Variants in CSMD2 observed in about 807,000 individuals in gnomAD.
CSMD2 encodes the protein CUB and sushi domain-containing protein 2.
A neutral mutation model predicts 398.5 loss-of-function variants in CSMD2; 130 were observed. That is an observed-to-expected ratio of 0.33 (90% confidence interval 0.28 to 0.38). The LOEUF is 0.38. Among genes scored for constraint, CSMD2 ranks in the 10% least tolerant of loss-of-function variants. CSMD2 has a pLI of 1.00. For missense variants in CSMD2, 3,829 were observed against 4,764.9 expected, an observed-to-expected ratio of 0.80 and a Z score of 5.78; for synonymous variants, 1,828 against 1,908.5, an observed-to-expected ratio of 0.96 and a Z score of 1.10.
chr1:34,004,626 T>C (rs1647003205), intron 3 of CSMD2, among the ~76,000 whole-genome samples: 1 of 152,170 alleles, frequency 6.6e-6, no homozygotes, highest in African/African-American at 2.4e-5. Flanking sequence ...CATTTGTTGA[T>C]AGTAAGATTT....
chr1:34,128,984 G>A lies in CSMD2; in HGVS notation c.187+35927C>T, dbSNP rs1011119269. ...AACAGCTACAGAAACAGACGTCCAC[G>A]TCCACTACATACATGTGTACCCCCC... On this transcript the variant is annotated intron_variant, in intron 1 of 70. Coordinates refer to ENST00000373381, the MANE Select transcript of CSMD2 (RefSeq NM_001281956.2). 2.2e-5 allele frequency among the ~76,000 whole-genome samples: 3 copies of A among 136,068 alleles called. No homozygotes were observed. The Admixed American group carries it at 2.4e-4, about 11-fold the overall frequency. 89.3% of individuals were successfully genotyped at this position (136,068 alleles called of 152,430 possible). A position where few individuals can be genotyped will look rare whatever the true frequency, so the allele number is the denominator to read the frequency against.
At chr1:33,713,050 C>T (rs1379819694) in intron 21 of CSMD2, among the ~76,000 whole-genome samples, 1 of 152,216 alleles carries the variant, frequency 6.6e-6, no homozygotes. Flanking sequence ...TATATGCCAC[C>T]TCTTGGTTTA....
intron 12 of CSMD2, among the ~76,000 whole-genome samples, chr1:33,779,909 G>T (rs560266495): frequency 6.6e-6 from 1 of 152,172 alleles, no homozygotes; most frequent in Non-Finnish European, 1.5e-5. Flanking sequence ...AGGCATGATG[G>T]GGGAGGATGG....
At chr1:33,543,061 G>A (rs567354097) in intron 57 of CSMD2, among the ~76,000 whole-genome samples, 165 bp from the exon 58 acceptor site, 3 of 152,228 alleles carry the variant, frequency 2.0e-5, no homozygotes, top group Non-Finnish European at 2.9e-5. Flanking sequence ...AGACAGGAAG[G>A]AGAGACCCCT....
Position 34,090,141 on chromosome 1 carries a change from C to T in CSMD2, c.188-948G>A, listed in dbSNP as rs769996637. Among the ~76,000 whole-genome samples, 12 of 152,262 alleles carry T rather than the reference C, an allele frequency of 7.9e-5. 1 individual carries two copies. Among genetic ancestry groups the T allele is most frequent in the South Asian group, 4.1e-4 (2 of 4,820 alleles). On this transcript the variant is annotated intron_variant, in intron 1 of 70. Coordinates refer to ENST00000373381, the MANE Select transcript of CSMD2 (RefSeq NM_001281956.2). ...CACCCTCCTTTCAGAAACACTCCTC[C>T]GGGCCAGAGCATCTCAGACCTCACT...
chr1:33,998,474 T>C (rs539176365), intron 3 of CSMD2, among the ~76,000 whole-genome samples: 2 of 152,252 alleles, frequency 1.3e-5, no homozygotes, highest in Admixed American at 1.3e-4. Context: ...GTTGTGGCTA[T>C]AGGCCCAGAG....
At chr1:33,790,661 GTCTATCTA>G (rs72105736) in intron 11 of CSMD2, among the ~76,000 whole-genome samples, 4,979 of 149,810 alleles carry the variant, frequency 0.033, 138 homozygotes, top group East Asian at 0.11. Flanking sequence ...CTGTTTGTCT[GTCTATCTA>G]TCTATCTATC....
intron 1 of CSMD2, among the ~76,000 whole-genome samples, chr1:34,158,454 G>T (rs1161822431): frequency 6.6e-6 from 1 of 152,166 alleles, no homozygotes. Context: ...TCGAGGTAGA[G>T]GGTTCTCCCT....
intron 15 of CSMD2, among the ~76,000 whole-genome samples, chr1:33,728,522 A>AT (rs1160988995): frequency 6.6e-6 from 1 of 152,200 alleles, no homozygotes; most frequent in Non-Finnish European, 1.5e-5. Flanking sequence ...GCATGCATTT[A>AT]TGAAGTTATT....
chr1:33,759,961 A>C (rs1557852279), intron 13 of CSMD2, among the ~76,000 whole-genome samples: 2 of 152,220 alleles, frequency 1.3e-5, no homozygotes, highest in Non-Finnish European at 2.9e-5. Flanking sequence ...CCTCATTCAC[A>C]ACTCAATCCC....
At chr1:33,986,220 G>A (rs1646354003) in intron 3 of CSMD2, among the ~76,000 whole-genome samples, 1 of 152,114 alleles carries the variant, frequency 6.6e-6, no homozygotes, top group African/African-American at 2.4e-5. Context: ...CGGCTTCTGG[G>A]GATACAAGGC....
chr1:34,053,475 G>A (rs1231220360), intron 2 of CSMD2, among the ~76,000 whole-genome samples: 1 of 152,148 alleles, frequency 6.6e-6, no homozygotes, highest in Non-Finnish European at 1.5e-5. Context: ...AGGTTAATAT[G>A]TAATGGTGTG....
chr1:33,863,808 A>C, intron 5 of CSMD2: 1 of 185,756 alleles, frequency 5.4e-6, no homozygotes, highest in Non-Finnish European at 1.1e-5. Flanking sequence ...TTAAGCCCCT[A>C]AAGTGCAGCA....
At chr1:34,099,290 A>G (rs1659714897) in intron 1 of CSMD2, among the ~76,000 whole-genome samples, 2 of 152,238 alleles carry the variant, frequency 1.3e-5, no homozygotes, top group Non-Finnish European at 2.9e-5. Context: ...ACCCTGTGAT[A>G]AGCCATGGGG....
At chr1:33,886,273 G>A (rs1641587154) in intron 5 of CSMD2, among the ~76,000 whole-genome samples, 1 of 152,170 alleles carries the variant, frequency 6.6e-6, no homozygotes, top group Non-Finnish European at 1.5e-5. Flanking sequence ...CACTGGACCA[G>A]AATAGAGGAT....
chr1:33,945,706 G>A (rs1441436872), intron 3 of CSMD2, among the ~76,000 whole-genome samples: 1 of 152,112 alleles, frequency 6.6e-6, no homozygotes, highest in African/African-American at 2.4e-5. Flanking sequence ...ACTGTGGCAA[G>A]CCTTGGTCCC....
At chr1:33,549,225 T>A (rs1657191345) in intron 56 of CSMD2, among the ~76,000 whole-genome samples, 1 of 152,106 alleles carries the variant, frequency 6.6e-6, no homozygotes, top group Non-Finnish European at 1.5e-5. Context: ...AGGAGAAGGC[T>A]TCTGTATTAG....
intron 1 of CSMD2, chr1:34,113,125 A>C (rs1337823499): frequency 6.6e-6 from 1 of 152,124 alleles, no homozygotes; most frequent in Non-Finnish European, 1.5e-5. Context: ...TGGCTGAGTC[A>C]CTCATGGCTC....
chr1:33,635,426 T>C lies in CSMD2; in HGVS notation c.4970-96A>G. 1 of 738,944 alleles carries C rather than the reference T, an allele frequency of 1.4e-6. No homozygotes were observed. Among genetic ancestry groups the C allele is most frequent in the Non-Finnish European group, 2.3e-6 (1 of 438,568 alleles). 45.8% of individuals were successfully genotyped at this position (738,944 alleles called of 1,614,324 possible). A position where few individuals can be genotyped will look rare whatever the true frequency, so the allele number is the denominator to read the frequency against. ...CCCCAGCCTGAGCTTCTGGCCCCAG[T>C]AGGGCTGCCCTGAGGTGGGCAGGCC... On this transcript the variant is annotated intron_variant, in intron 30 of 70. Coordinates refer to ENST00000373381, the MANE Select transcript of CSMD2 (RefSeq NM_001281956.2). This position sits in a 1 kb window ranked among gnomAD's most constrained non-coding sequence, Gnocchi z 5.0.
Sources: gnomAD v4.1 joint callset for allele counts (sites outside exome capture counted in the v4.1 genomes callset) on GRCh38, gnomAD v4.1.1 for gene constraint, Gnocchi (gnomAD v3.1) non-coding constraint, MANE v1.5 for transcripts, NCBI Gene and HGNC (gene_info 2026-07-23, HGNC 2026-07-21) for gene names.